PCBP3: variants seen among roughly 807,000 people sequenced by gnomAD.
The protein encoded by PCBP3 is poly(rC) binding protein 3, also known as poly(rC)-binding protein 3.
In PCBP3, 25 loss-of-function variants were observed where a neutral mutation model predicts 52.7. The ratio of observed to expected loss-of-function variants is 0.47; its 90% CI spans 0.35 to 0.66. The LOEUF is 0.66. Among genes scored for constraint, PCBP3 ranks in the 30% least tolerant of loss-of-function variants. PCBP3 has a pLI of 0.01. For synonymous variants in PCBP3, 162 were observed against 183.0 expected (o/e 0.89, Z 0.93); for missense variants, 391 against 490.3 (o/e 0.80, Z 1.91).
intron 2 of PCBP3, among the ~76,000 whole-genome samples, chr21:45,714,876 C>A (rs2084103482): frequency 6.6e-6 from 1 of 152,182 alleles, no homozygotes; most frequent in Non-Finnish European, 1.5e-5. Context: ...ATATGACCCA[C>A]CGATGCCATT....
At position 45,704,778 on chromosome 21, in the gene PCBP3, T is replaced by G. The variant is rs938779729; in HGVS notation, c.-199-30614T>G. ...AAAACATGAAAATGTAAAATGGAAT[T>G]GAATAATCTCTCCTAAATCAATTTT... On this transcript the variant is annotated intron_variant, in intron 2 of 17. Transcript: ENST00000681687. This position sits in a 1 kb window ranked among gnomAD's most constrained non-coding sequence, Gnocchi z 4.1. Among the ~76,000 whole-genome samples the G allele has an allele frequency of 7.9e-5, 12 of 152,166 alleles. 1 individual carries two copies. Among genetic ancestry groups the G allele is most frequent in the Non-Finnish European group, 1.6e-4 (11 of 68,024 alleles).
At chr21:45,927,046 A>T (rs2075504252) in intron 13 of PCBP3, among the ~76,000 whole-genome samples, 1 of 152,128 alleles carries the variant, frequency 6.6e-6, no homozygotes, top group South Asian at 2.1e-4. Context: ...TTTGCTGGAG[A>T]TGAAATAGAA....
chr21:45,673,755 C>T (rs145230361), intron 2 of PCBP3: 2 of 152,288 alleles, frequency 1.3e-5, no homozygotes, highest in Admixed American at 1.3e-4. Context: ...TTATTTAGCA[C>T]ACTAAGTTCA....
intron 13 of PCBP3, chr21:45,918,929 G>A (rs1442037550): frequency 1.3e-5 from 2 of 153,572 alleles, no homozygotes; most frequent in Non-Finnish European, 2.9e-5. Flanking sequence ...CAGTGCTGGA[G>A]GAAGAAGATA....
At chr21:45,824,739 C>A (rs1342907884) in intron 4 of PCBP3, among the ~76,000 whole-genome samples, 1 of 152,132 alleles carries the variant, frequency 6.6e-6, no homozygotes, top group African/African-American at 2.4e-5. Context: ...ATGATGAAAC[C>A]CAGATGGCTG....
chr21:45,733,538 G>A (rs562994138), intron 2 of PCBP3, among the ~76,000 whole-genome samples: 10 of 151,990 alleles, frequency 6.6e-5, no homozygotes, highest in African/African-American at 1.7e-4. Flanking sequence ...TGATCTGCCC[G>A]CCTCGGCCTC....
At chr21:45,869,863 G>C (rs1160805199) in intron 5 of PCBP3, among the ~76,000 whole-genome samples, 1 of 152,262 alleles carries the variant, frequency 6.6e-6, no homozygotes, top group African/African-American at 2.4e-5. Flanking sequence ...GCCCACCAAG[G>C]TGCTGTGGCC....
At chr21:45,786,217 CAGTG>C (rs1036066982) in intron 4 of PCBP3, among the ~76,000 whole-genome samples, 4 of 150,412 alleles carry the variant, frequency 2.7e-5, no homozygotes, top group African/African-American at 9.8e-5. Flanking sequence ...AAAATAGTGC[CAGTG>C]AGCTCTGCAT....
chr21:45,814,348 T>G (rs1343214277), intron 4 of PCBP3, among the ~76,000 whole-genome samples: 1 of 137,026 alleles, frequency 7.3e-6, no homozygotes, highest in Non-Finnish European at 1.6e-5. Context: ...GAGTGGTGAG[T>G]GAGTGGTGAA....
At chr21:45,937,836 A>G (rs905646921) in intron 16 of PCBP3, among the ~76,000 whole-genome samples, 5 of 152,210 alleles carry the variant, frequency 3.3e-5, no homozygotes, top group African/African-American at 1.2e-4. Flanking sequence ...TTCCCTTCTC[A>G]TGGCAGAGAG....
chr21:45,869,560 C>CT (rs2094914071), intron 5 of PCBP3, among the ~76,000 whole-genome samples: 1 of 152,232 alleles, frequency 6.6e-6, no homozygotes, highest in Admixed American at 6.5e-5. Flanking sequence ...TCCTGCTCCT[C>CT]TCGCCGTCCC....
At chr21:45,731,530 C>T (rs1376161407) in intron 2 of PCBP3, among the ~76,000 whole-genome samples, 1 of 152,198 alleles carries the variant, frequency 6.6e-6, no homozygotes, top group Non-Finnish European at 1.5e-5. Flanking sequence ...CTCTCTGGAT[C>T]TAACTGGCTT....
chr21:45,820,757 G>A (rs1265411846), intron 4 of PCBP3, among the ~76,000 whole-genome samples: 1 of 152,196 alleles, frequency 6.6e-6, no homozygotes, highest in Non-Finnish European at 1.5e-5. Context: ...CCTCGTGGCA[G>A]GGCTGACGTA....
chr21:45,797,163 C>T (rs572169678), intron 4 of PCBP3, among the ~76,000 whole-genome samples: 1 of 152,110 alleles, frequency 6.6e-6, no homozygotes, highest in Non-Finnish European at 1.5e-5. Flanking sequence ...TGTGGATGGA[C>T]AGATGTATGG....
chr21:45,739,499 T>C (rs2086223043), intron 3 of PCBP3, among the ~76,000 whole-genome samples: 1 of 109,074 alleles, frequency 9.2e-6, no homozygotes, highest in Non-Finnish European at 1.9e-5. Context: ...CCCCCCGATC[T>C]TCAGCCCACC....
intron 2 of PCBP3, among the ~76,000 whole-genome samples, chr21:45,708,110 T>G (rs967043269): frequency 2.0e-5 from 3 of 152,184 alleles, no homozygotes; most frequent in African/African-American, 4.8e-5. Context: ...ATACCCTACT[T>G]CCCTCCTTCC....
chr21:45,757,735 G>A (rs1038056021), intron 4 of PCBP3, among the ~76,000 whole-genome samples: 3 of 152,098 alleles, frequency 2.0e-5, no homozygotes, highest in Admixed American at 6.5e-5. Context: ...TCATTCTTTT[G>A]CATGGGGATA....
chr21:45,651,493 T>A (rs2079681255), intron 1 of PCBP3, among the ~76,000 whole-genome samples: 1 of 152,220 alleles, frequency 6.6e-6, no homozygotes, highest in Non-Finnish European at 1.5e-5. Context: ...TGGGATTCAT[T>A]CCAAAGTATG....
chr21:45,917,492 C>G lies in PCBP3; in HGVS notation c.676-96C>G, dbSNP rs1299560508. On this transcript the variant is annotated intron_variant, in intron 12 of 17. Transcript: ENST00000681687. The surrounding 1 kb of genome is among the most constrained non-coding windows in gnomAD (Gnocchi z 5.3). ...GGAGAGGCACACGAGGGGGAAGCTTCTACCGGAGGGTCCTTGTCATGCTGG... is the reference window on the plus strand; with the variant it reads ...GGAGAGGCACACGAGGGGGAAGCTTGTACCGGAGGGTCCTTGTCATGCTGG... The G allele has an allele frequency of 1.1e-6, 1 of 928,574 alleles. No individual in the cohort carries two copies. The highest frequency in any genetic ancestry group is 2.4e-5 in the East Asian group (1 of 41,562). 57.5% of individuals were successfully genotyped at this position (928,574 alleles called of 1,614,324 possible).
Sources: gnomAD v4.1 joint callset for allele counts (sites outside exome capture counted in the v4.1 genomes callset) on GRCh38, gnomAD v4.1.1 for gene constraint, Gnocchi (gnomAD v3.1) non-coding constraint, MANE v1.5 for transcripts, NCBI Gene and HGNC (gene_info 2026-07-23, HGNC 2026-07-21) for gene names.